The following DCAF17 variants were observed in gnomAD, a reference collection of about 807,000 sequenced individuals.
DCAF17 encodes DDB1- and CUL4-associated factor 17.
DCAF17 carries 48 observed loss-of-function variants against 66.0 expected under a neutral mutation model. The ratio of observed to expected loss-of-function variants is 0.73; its 90% confidence interval spans 0.58 to 0.92. The LOEUF (loss-of-function observed/expected upper bound fraction) is 0.92, where lower values mean the gene tolerates loss of function less well. DCAF17 is among the 40% of genes least tolerant of loss of function. The pLI is 0.00. For synonymous variants in DCAF17, 206 were observed against 214.6 expected, an observed-to-expected ratio of 0.96 and a Z score of 0.35; for missense variants, 562 against 622.8, an observed-to-expected ratio of 0.90 and a Z score of 1.04.
intron 9 of DCAF17, among the ~76,000 whole-genome samples, chr2:171,472,176 G>C (rs943732886): frequency 6.6e-6 from 1 of 151,706 alleles, no homozygotes; most frequent in Non-Finnish European, 1.5e-5. Context: ...TATACTTTTG[G>C]TTTTTTTGTT....
intron 9 of DCAF17, among the ~76,000 whole-genome samples, chr2:171,470,973 C>T (rs1474225559): frequency 6.6e-6 from 1 of 152,178 alleles, no homozygotes; most frequent in Non-Finnish European, 1.5e-5. Context: ...ATATAAGGTA[C>T]TTGAGCATCC....
At chr2:171,448,541 C>G (rs552259441) in intron 3 of DCAF17, 140 bp from the exon 4 acceptor site, 1 of 675,154 alleles carries the variant, frequency 1.5e-6, no homozygotes, top group Non-Finnish European at 2.3e-6. Context: ...TGTCTTAATT[C>G]TCTAGTTGGG....
intron 8 of DCAF17, among the ~76,000 whole-genome samples, chr2:171,460,565 C>T (rs1695526011): frequency 6.8e-6 from 1 of 146,290 alleles, no homozygotes; most frequent in African/African-American, 2.5e-5. Flanking sequence ...GGGTCTCACT[C>T]TGTTGCCCAG....
chr2:171,464,611 T>G (rs1695787311), intron 8 of DCAF17, among the ~76,000 whole-genome samples: 1 of 152,212 alleles, frequency 6.6e-6, no homozygotes, highest in Admixed American at 6.5e-5. Flanking sequence ...GTTAGGACTT[T>G]AACATATCTT....
intron 9 of DCAF17, among the ~76,000 whole-genome samples, chr2:171,472,476 GC>G (rs1391274707): frequency 2.0e-5 from 3 of 152,146 alleles, no homozygotes; most frequent in Non-Finnish European, 4.4e-5. Flanking sequence ...ACTGCCCCCG[GC>G]CGATTAACAC....
At chr2:171,470,821 A>G (rs1011371142) in intron 9 of DCAF17, among the ~76,000 whole-genome samples, 1 of 152,180 alleles carries the variant, frequency 6.6e-6, no homozygotes, top group Non-Finnish European at 1.5e-5. Context: ...ACACGTACAG[A>G]TACAGCCGGC....
intron 8 of DCAF17, among the ~76,000 whole-genome samples, chr2:171,467,622 T>A (rs1345360917): frequency 6.7e-6 from 1 of 150,014 alleles, no homozygotes; most frequent in Non-Finnish European, 1.5e-5. Flanking sequence ...GTGTAATACT[T>A]AGGAGGCTGA....
chr2:171,458,326 A>G (rs1265935017), intron 7 of DCAF17, 46 bp from the exon 8 acceptor site: 1 of 1,498,652 alleles, frequency 6.7e-7, no homozygotes, highest in East Asian at 2.3e-5. Flanking sequence ...CAGATATCAA[A>G]TAAATAGGTG....
intron 2 of DCAF17, among the ~76,000 whole-genome samples, chr2:171,438,814 G>C (rs758228171): frequency 6.6e-6 from 1 of 151,984 alleles, no homozygotes. Flanking sequence ...ATAGCTCACT[G>C]TAACACCAAA....
chr2:171,443,354 T>A, intron 2 of DCAF17, 169 bp from the exon 3 acceptor site: 1 of 552,446 alleles, frequency 1.8e-6, no homozygotes, highest in Middle Eastern at 4.9e-4. Context: ...CTTGTTTTTT[T>A]TTATATGAAT....
chr2:171,460,185 C>T (rs914467982), intron 8 of DCAF17, among the ~76,000 whole-genome samples: 24 of 151,608 alleles, frequency 1.6e-4, no homozygotes, highest in Non-Finnish European at 2.7e-4. Context: ...TAGCTAGGCA[C>T]GGTGGCAGGC....
intron 7 of DCAF17, 136 bp from the exon 8 acceptor site, chr2:171,458,236 G>T (rs1352112891): frequency 9.8e-7 from 1 of 1,019,420 alleles, no homozygotes; most frequent in East Asian, 2.4e-5. Context: ...TAAAGCAGGG[G>T]TGGGGAAGAT....
chr2:171,458,557 A>T, intron 8 of DCAF17, 80 bp downstream of exon 8: 1 of 1,108,662 alleles, frequency 9.0e-7, no homozygotes, highest in Non-Finnish European at 1.3e-6. Context: ...AGTCATCCAA[A>T]TGTTTTTCTC....
Position 171,448,731 on chromosome 2 carries a change from G to A in DCAF17, c.372G>A (p.Leu124=). 2 of 1,612,430 alleles carry A rather than the reference G, an allele frequency of 1.2e-6. No homozygotes were observed. Among genetic ancestry groups the A allele is most frequent in the Non-Finnish European group, 1.7e-6 (2 of 1,179,390 alleles). Residue 124 remains leucine, a synonymous_variant, in exon 4 of 14, where the codon CTG becomes CTA. Coordinates refer to ENST00000375255, the MANE Select transcript of DCAF17 (RefSeq NM_025000.4). ...SSDYKSSLIA[L]TAHNWLLRIS... ...ATTATAAGTCCTCACTCATAGCACT[G>A]ACTGCTCATAATTGGCTACTTCGTA...
chr2:171,438,757 G>T (rs1321128896), intron 2 of DCAF17, among the ~76,000 whole-genome samples: 1 of 151,658 alleles, frequency 6.6e-6, no homozygotes, highest in East Asian at 1.9e-4. Flanking sequence ...CCCCCCCAAA[G>T]TCAGGGTCTG....
Position 171,434,639 on chromosome 2 carries a change from T to G in DCAF17, c.62T>G (p.Phe21Cys). 1 of 1,534,326 alleles carries G rather than the reference T, an allele frequency of 6.5e-7. No homozygotes were observed. The highest frequency in any genetic ancestry group is 1.2e-5 in the South Asian group (1 of 83,912). Residue 21 changes from phenylalanine (F) to cysteine (C), a missense_variant, in exon 1 of 14, where the codon TTC becomes TGC. By Grantham distance (205) the Phe-to-Cys change is radical. Around this residue, in one of 3 missense-constraint regions of DCAF17, gnomAD observed 348 missense variants for 355.9 expected, o/e 0.98. Transcript: ENST00000375255. ...CTGAGTCGCCGGGCGCTGGGCTGCTTCTCGCGCGACGCAGGCGTGGTGCAG... is the reference window on the plus strand; with the variant it reads ...CTGAGTCGCCGGGCGCTGGGCTGCTGCTCGCGCGACGCAGGCGTGGTGCAG... ...SRLSRRALGC[F>C]SRDAGVVQRT...
chr2:171,451,054 AAAGTT>A (rs1304186443), intron 5 of DCAF17, among the ~76,000 whole-genome samples: 3 of 151,968 alleles, frequency 2.0e-5, no homozygotes, highest in Admixed American at 6.6e-5. Context: ...AAAAAAAAAA[AAAGTT>A]AAGTAGTTCC....
In DCAF17 at chr2:171,450,413, G is replaced by A. The variant is rs562068823; in HGVS notation, c.537+456G>A. Among the ~76,000 whole-genome samples the A allele has an allele frequency of 1.6e-3, 247 of 151,650 alleles. 2 individuals carry two copies. The highest frequency in any genetic ancestry group is 3.0e-3 in the Non-Finnish European group (203 of 67,874). ...ATAATAATAAAAATATTTTAAAAAA[G>A]AAAAGTTGATAGGTAGATTTTTTTT... On this transcript the variant is annotated intron_variant, in intron 5 of 13. Coordinates refer to ENST00000375255, the MANE Select transcript of DCAF17 (RefSeq NM_025000.4).
intron 2 of DCAF17, 63 bp from the exon 3 acceptor site, chr2:171,443,460 A>G: frequency 6.9e-7 from 1 of 1,439,856 alleles, no homozygotes; most frequent in Non-Finnish European, 9.7e-7. Context: ...TAGTCTCTCA[A>G]ACCTGAACAA....
Sources: gnomAD v4.1 joint callset for allele counts (sites outside exome capture counted in the v4.1 genomes callset) on GRCh38, gnomAD v4.1.1 for gene constraint, gnomAD v4.1.1 regional missense constraint, MANE v1.5 for transcripts, NCBI Gene and HGNC (gene_info 2026-07-23, HGNC 2026-07-21) for gene names.